The following PDSS2 variants were observed in gnomAD, a reference collection of about 807,000 sequenced individuals.
The protein encoded by PDSS2 is all trans-polyprenyl-diphosphate synthase PDSS2.
Under a neutral mutation model 44.5 loss-of-function variants are expected in PDSS2, and 31 were observed. The observed-to-expected ratio is 0.70, with a 90% CI of 0.52 to 0.94. The LOEUF (loss-of-function observed/expected upper bound fraction) is 0.94, where lower values mean the gene tolerates loss of function less well. Ranked by LOEUF, PDSS2 falls within the 40% of genes least tolerant of loss-of-function variation. PDSS2 has a pLI of 0.00. For synonymous variants in PDSS2, 157 were observed against 180.3 expected (o/e 0.87, Z 1.03); for missense variants, 452 against 482.2 (o/e 0.94, Z 0.59).
chr6:107,253,753 T>C (rs1440017858), intron 3 of PDSS2, among the ~76,000 whole-genome samples: 1 of 152,230 alleles, frequency 6.6e-6, no homozygotes, highest in African/African-American at 2.4e-5. Flanking sequence ...TAAAGGTGCA[T>C]GGTCTTGGAC....
At chr6:107,179,439 C>A (rs1288626962) in intron 7 of PDSS2, among the ~76,000 whole-genome samples, 1 of 152,040 alleles carries the variant, frequency 6.6e-6, no homozygotes, top group Non-Finnish European at 1.5e-5. Context: ...CGCCATTACG[C>A]CTAGCTAATT....
intron 2 of PDSS2, among the ~76,000 whole-genome samples, chr6:107,290,277 C>A (rs1378451809): frequency 6.6e-6 from 1 of 152,124 alleles, no homozygotes; most frequent in East Asian, 1.9e-4. Flanking sequence ...GGGAGTGATA[C>A]AAAATAATCT....
intron 6 of PDSS2, among the ~76,000 whole-genome samples, chr6:107,203,302 AGT>A (rs1258110873): frequency 6.6e-6 from 1 of 152,152 alleles, no homozygotes; most frequent in Admixed American, 6.6e-5. Flanking sequence ...GCCACTCCCC[AGT>A]CCACACCTGT....
At chr6:107,243,873 A>C (rs1774522374) in intron 4 of PDSS2, among the ~76,000 whole-genome samples, 1 of 152,188 alleles carries the variant, frequency 6.6e-6, no homozygotes, top group South Asian at 2.1e-4. Flanking sequence ...TCACACCTGT[A>C]ATCCCAGCAC....
rs142554852 is a variant in PDSS2, at chr6:107,191,998, T to C, written c.1041+1824A>G. ...TGCATGTGTTTGGGGTCAGGGGCTATAGGAACTCTACTTTTCACTCACTTT... is the reference window on the plus strand; with the variant it reads ...TGCATGTGTTTGGGGTCAGGGGCTACAGGAACTCTACTTTTCACTCACTTT... On this transcript the variant is annotated intron_variant, in intron 7 of 7. Coordinates refer to ENST00000369037, the MANE Select transcript of PDSS2 (RefSeq NM_020381.4). 7.5e-4 allele frequency among the ~76,000 whole-genome samples: 114 copies of C among 152,294 alleles called. 2 individuals carry two copies. The highest frequency in any genetic ancestry group is 2.6e-3 in the African/African-American group (106 of 41,562).
intron 6 of PDSS2, among the ~76,000 whole-genome samples, chr6:107,204,567 T>C (rs984866372): frequency 4.6e-5 from 7 of 152,222 alleles, no homozygotes; most frequent in Non-Finnish European, 1.5e-5. Flanking sequence ...CAACATTGCA[T>C]GCCTGCACCT....
At chr6:107,210,860 G>GT (rs1323854098) in intron 5 of PDSS2, among the ~76,000 whole-genome samples, 3 of 151,420 alleles carry the variant, frequency 2.0e-5, no homozygotes, top group East Asian at 1.9e-4. Context: ...AAAAATTGGG[G>GT]GGGGTTTGCA....
At chr6:107,412,346 C>T (rs1309575801) in intron 1 of PDSS2, among the ~76,000 whole-genome samples, 1 of 142,726 alleles carries the variant, frequency 7.0e-6, no homozygotes, top group African/African-American at 2.6e-5. Flanking sequence ...TCAAGCGATT[C>T]TCCTGCCTCA....
intron 2 of PDSS2, among the ~76,000 whole-genome samples, chr6:107,308,899 G>C (rs566821369): frequency 6.6e-6 from 1 of 152,296 alleles, no homozygotes; most frequent in East Asian, 1.9e-4. Context: ...ACTGAAACTG[G>C]AATATGGGTG....
intron 2 of PDSS2, among the ~76,000 whole-genome samples, chr6:107,280,222 G>A (rs1450372769): frequency 6.6e-6 from 1 of 152,052 alleles, no homozygotes; most frequent in Non-Finnish European, 1.5e-5. Flanking sequence ...ATGATGTCCA[G>A]CTAAGTTTTT....
At chr6:107,278,861 T>G (rs1362535314) in intron 2 of PDSS2, among the ~76,000 whole-genome samples, 1 of 152,204 alleles carries the variant, frequency 6.6e-6, no homozygotes, top group Non-Finnish European at 1.5e-5. Context: ...GTTAAATACT[T>G]GATCAAGAAC....
intron 1 of PDSS2, among the ~76,000 whole-genome samples, chr6:107,390,594 T>C (rs1255446758): frequency 6.6e-6 from 1 of 152,080 alleles, no homozygotes; most frequent in Non-Finnish European, 1.5e-5. Flanking sequence ...CTGAATAAAG[T>C]CTGGAGTTTA....
intron 7 of PDSS2, among the ~76,000 whole-genome samples, chr6:107,174,141 C>T (rs1334358896): frequency 6.6e-6 from 1 of 152,102 alleles, no homozygotes; most frequent in African/African-American, 2.4e-5. Context: ...AGATTGGGTC[C>T]AGTATTAGGA....
intron 7 of PDSS2, among the ~76,000 whole-genome samples, chr6:107,174,403 G>T (rs564316126): frequency 6.6e-6 from 1 of 152,228 alleles, no homozygotes; most frequent in Non-Finnish European, 1.5e-5. Context: ...GACAAGCTGT[G>T]GGTTCCCTAT....
At chr6:107,305,204 T>C (rs1776818687) in intron 2 of PDSS2, among the ~76,000 whole-genome samples, 1 of 152,058 alleles carries the variant, frequency 6.6e-6, no homozygotes, top group Admixed American at 6.6e-5. Flanking sequence ...CCATACCTTC[T>C]TGAAAAGAAA....
At chr6:107,430,944 C>T (rs1480006847) in intron 1 of PDSS2, among the ~76,000 whole-genome samples, 4 of 152,136 alleles carry the variant, frequency 2.6e-5, no homozygotes, top group Non-Finnish European at 5.9e-5. Context: ...AAAAATTAAT[C>T]GATATTTTGC....
At chr6:107,347,911 G>C (rs763775256) in intron 1 of PDSS2, among the ~76,000 whole-genome samples, 61 of 152,118 alleles carry the variant, frequency 4.0e-4, no homozygotes, top group Non-Finnish European at 5.4e-4. Context: ...TAAAGGACTA[G>C]GAAATGTTGA....
chr6:107,359,848 T>C lies in PDSS2; in HGVS notation c.297-25516A>G, dbSNP rs536735751. Among the ~76,000 whole-genome samples the C allele has an allele frequency of 1.1e-3, 163 of 152,230 alleles. 1 individual carries two copies. The highest frequency in any genetic ancestry group is 3.7e-3 in the African/African-American group (154 of 41,562). On this transcript the variant is annotated intron_variant, in intron 1 of 7. Transcript: ENST00000369037. ...TTGATCCTGAGGAGAGATGGGGATC[T>C]TTCATATTAAGGTTTCTCAAATTAG...
At chr6:107,250,250 G>T (rs1439947128) in intron 3 of PDSS2, among the ~76,000 whole-genome samples, 1 of 150,942 alleles carries the variant, frequency 6.6e-6, no homozygotes, top group Non-Finnish European at 1.5e-5. Context: ...AGGAAAAAAA[G>T]CTATTTACAA....
Sources: gnomAD v4.1 joint callset for allele counts (sites outside exome capture counted in the v4.1 genomes callset) on GRCh38, gnomAD v4.1.1 for gene constraint, MANE v1.5 for transcripts, NCBI Gene and HGNC (gene_info 2026-07-23, HGNC 2026-07-21) for gene names.